The following CELF2 variants were observed in gnomAD, a reference collection of about 807,000 sequenced individuals.
CELF2 encodes CUGBP Elav-like family member 2.
In CELF2, 8 loss-of-function variants were observed where a neutral mutation model predicts 62.6. That is an observed-to-expected ratio of 0.13 (90% CI 0.07 to 0.23). The LOEUF is 0.23. Among genes scored for constraint, CELF2 ranks in the 10% least tolerant of loss-of-function variants. CELF2 has a pLI of 1.00. For missense variants in CELF2, 333 were observed against 671.0 expected (o/e 0.50, Z 5.56); for synonymous variants, 258 against 250.0 (o/e 1.03, Z -0.30).
rs1306131669 is a variant in CELF2 at position 11,046,555 on chromosome 10, C to T, written c.74+28392C>T. Among the ~76,000 whole-genome samples the T allele has an allele frequency of 4.6e-5, 7 of 152,158 alleles. No homozygotes were observed. Among genetic ancestry groups the T allele is most frequent in the Non-Finnish European group, 8.8e-5 (6 of 68,034 alleles). Reference sequence around the variant, plus strand: ...CTTTTATGTCTTGGGCATGTGGGCTCAGTGCTAATTTTCATGGCTTCTGTG... The same window carrying T: ...CTTTTATGTCTTGGGCATGTGGGCTTAGTGCTAATTTTCATGGCTTCTGTG... On this transcript the variant is annotated intron_variant, in intron 1 of 12. Transcript: ENST00000633077. This position sits in a 1 kb window ranked among gnomAD's most constrained non-coding sequence, Gnocchi z 4.6.
At chr10:10,771,179 A>G in the CELF2 span, among the ~76,000 whole-genome samples, 2 of 152,020 alleles carry the variant, frequency 1.3e-5, no homozygotes, top group East Asian at 3.9e-4. Flanking sequence ...CCCTGACCCA[A>G]CTTGCAATAT....
intron 1 of CELF2, among the ~76,000 whole-genome samples, chr10:11,072,745 G>A (rs1316082992): frequency 2.0e-5 from 3 of 151,978 alleles, no homozygotes; most frequent in Non-Finnish European, 4.4e-5. Flanking sequence ...CTAACACCTC[G>A]GGTTCACAGG....
intron 1 of CELF2, among the ~76,000 whole-genome samples, chr10:10,865,484 TTG>T (rs1396542018): frequency 3.9e-5 from 6 of 152,374 alleles, no homozygotes; most frequent in Admixed American, 3.3e-4. Flanking sequence ...TAAGTCTATG[TTG>T]TAATTCTGAG....
chr10:10,783,292 C>T, the CELF2 span, among the ~76,000 whole-genome samples: 1 of 152,092 alleles, frequency 6.6e-6, no homozygotes, highest in African/African-American at 2.4e-5. Context: ...ATGACTGTGT[C>T]CTTAGCAAAA....
At chr10:10,848,247 C>T (rs915191472) in intron 1 of CELF2, among the ~76,000 whole-genome samples, 3 of 152,126 alleles carry the variant, frequency 2.0e-5, no homozygotes, top group African/African-American at 7.2e-5. Context: ...ATCATGTGGT[C>T]TTGAATAAGT....
chr10:11,147,157 A>G (rs1038326171), intron 1 of CELF2, among the ~76,000 whole-genome samples: 5 of 152,198 alleles, frequency 3.3e-5, no homozygotes, highest in Non-Finnish European at 1.5e-5. Context: ...GCCAGGATAC[A>G]CAGTGAAGGT....
intron 2 of CELF2, among the ~76,000 whole-genome samples, chr10:10,958,932 T>C (rs2049185656): frequency 1.3e-5 from 2 of 152,026 alleles, no homozygotes; most frequent in South Asian, 4.1e-4. Context: ...ATTTACAAGA[T>C]AAGGCTAAAA....
At chr10:10,660,895 CA>C in the CELF2 span, among the ~76,000 whole-genome samples, 227 of 152,288 alleles carry the variant, frequency 1.5e-3, 2 homozygotes, top group African/African-American at 4.7e-3. Flanking sequence ...AGAACGAACA[CA>C]CAGGGATGCT....
In CELF2 at chr10:11,330,168, G is replaced by A. The variant is rs1019260520; in HGVS notation, c.*1115G>A. The A allele has an allele frequency of 6.6e-6, 1 of 152,506 alleles. No homozygotes were observed. The highest frequency in any genetic ancestry group is 1.9e-4 in the East Asian group (1 of 5,196). 9.4% of individuals were successfully genotyped at this position (152,506 alleles called of 1,614,324 possible). A position where few individuals can be genotyped will look rare whatever the true frequency, so the allele number is the denominator to read the frequency against. ...CCATTATCTAGTTTACAGTTCAGTC[G>A]TCTGACTTTCCCCGTATGTCACATT... is the stretch of plus-strand genomic sequence containing the variant. On this transcript the variant is annotated 3_prime_UTR_variant, in exon 13 of 13. Transcript: ENST00000633077. This position sits in a 1 kb window ranked among gnomAD's most constrained non-coding sequence, Gnocchi z 4.5.
intron 2 of CELF2, among the ~76,000 whole-genome samples, chr10:10,926,855 G>A (rs940935082): frequency 4.6e-5 from 7 of 152,118 alleles, no homozygotes; most frequent in African/African-American, 1.2e-4. Context: ...TTCTCCATCT[G>A]GGTAAATCCA....
At chr10:10,710,150 T>C in the CELF2 span, among the ~76,000 whole-genome samples, 1 of 152,208 alleles carries the variant, frequency 6.6e-6, no homozygotes, top group Non-Finnish European at 1.5e-5. Flanking sequence ...CTCATATGGC[T>C]CTAAAGGAAT....
At chr10:11,095,955 CA>C (rs2142181893) in intron 1 of CELF2, among the ~76,000 whole-genome samples, 1 of 152,220 alleles carries the variant, frequency 6.6e-6, no homozygotes, top group Non-Finnish European at 1.5e-5. Flanking sequence ...AACATTTTGC[CA>C]TATGTATTGA....
rs1436728908 is a variant in CELF2 at position 11,005,613 on chromosome 10, A to G, written c.53+173A>G. 6.6e-6 allele frequency among the ~76,000 whole-genome samples: 1 copy of G among 152,188 alleles called. No homozygotes were observed. Among genetic ancestry groups the G allele is most frequent in the Non-Finnish European group, 1.5e-5 (1 of 68,040 alleles). On this transcript the variant is annotated intron_variant, in intron 1 of 12. Coordinates refer to the CELF2 transcript ENST00000416382. This position sits in a 1 kb window ranked among gnomAD's most constrained non-coding sequence, Gnocchi z 4.3. Reference sequence around the variant, plus strand: ...TCGAGACCCAGAGATTGGGAGAAAGAGAGAGCCAGCGAGAGAAAGGCGGAG... The same window carrying G: ...TCGAGACCCAGAGATTGGGAGAAAGGGAGAGCCAGCGAGAGAAAGGCGGAG...
rs1330724362 is a variant in CELF2, at chr10:11,220,582, C to T, written c.354+3075C>T. Among the ~76,000 whole-genome samples, 2 of 152,196 alleles carry T rather than the reference C, an allele frequency of 1.3e-5. No individual in the cohort carries two copies. The highest frequency in any genetic ancestry group is 2.4e-5 in the African/African-American group (1 of 41,440). On this transcript the variant is annotated intron_variant, in intron 3 of 12. Transcript: ENST00000633077. The surrounding 1 kb of genome is among the most constrained non-coding windows in gnomAD (Gnocchi z 4.4). ...GAGCAGTGCAAAATCATTGAAGACA[C>T]GTTTCTCAAACTTGCCTCTTACTGG...
chr10:10,693,368 T>G, the CELF2 span, among the ~76,000 whole-genome samples: 1 of 137,622 alleles, frequency 7.3e-6, no homozygotes, highest in Non-Finnish European at 1.6e-5. Flanking sequence ...GCCCACTTGA[T>G]CATGGTGGAT....
chr10:11,331,789 T>C lies in CELF2; in HGVS notation c.*2736T>C, dbSNP rs773458032. On this transcript the variant is annotated 3_prime_UTR_variant, in exon 13 of 13. Transcript: ENST00000633077. ...CAGTGCTGTGAAGGCAACCTCACCA[T>C]GTATTTTCTTCATAATCTATGGAAA... 3.3e-5 allele frequency: 5 copies of C among 152,738 alleles called. No homozygotes were observed. The South Asian group carries it at 8.3e-4, about 25-fold the overall frequency. The allele number at this position is 152,738 out of a possible 1,614,324, so 9.5% of individuals were successfully genotyped here.
At chr10:11,048,871 G>A (rs944666287) in intron 1 of CELF2, among the ~76,000 whole-genome samples, 2 of 152,198 alleles carry the variant, frequency 1.3e-5, no homozygotes, top group Non-Finnish European at 2.9e-5. Context: ...TCTGAGTGCA[G>A]AATACCTAAT....
chr10:11,128,095 A>C (rs1341257796), intron 1 of CELF2, among the ~76,000 whole-genome samples: 1 of 152,242 alleles, frequency 6.6e-6, no homozygotes, highest in Non-Finnish European at 1.5e-5. Flanking sequence ...AGCTTTCTAC[A>C]TATGGCTAGC....
intron 2 of CELF2, among the ~76,000 whole-genome samples, chr10:10,969,707 T>C (rs552141927): frequency 1.3e-5 from 2 of 152,310 alleles, no homozygotes; most frequent in South Asian, 2.1e-4. Flanking sequence ...CAAATATAGA[T>C]GCATTCCCTA....
Sources: gnomAD v4.1 joint callset for allele counts (sites outside exome capture counted in the v4.1 genomes callset) on GRCh38, gnomAD v4.1.1 for gene constraint, Gnocchi (gnomAD v3.1) non-coding constraint, MANE v1.5 for transcripts, NCBI Gene and HGNC (gene_info 2026-07-23, HGNC 2026-07-21) for gene names.